CYB5R4: variants seen among roughly 807,000 people sequenced by gnomAD.
The protein encoded by CYB5R4 is N-terminal cytochrome b5 and cytochrome b5 oxidoreductase domain-containing protein.
In CYB5R4, 55 loss-of-function variants were observed where a neutral mutation model predicts 70.2. The ratio of observed to expected loss-of-function variants is 0.78; its 90% confidence interval spans 0.63 to 0.98. The LOEUF is 0.98. CYB5R4 is among the 50% of genes least tolerant of loss of function. CYB5R4 has a pLI of 0.00. For missense variants in CYB5R4, 562 were observed against 612.6 expected, an observed-to-expected ratio of 0.92 and a Z score of 0.87; for synonymous variants, 197 against 199.5, an observed-to-expected ratio of 0.99 and a Z score of 0.11.
chr6:83,948,381 A>C (rs111649469), intron 14 of CYB5R4, among the ~76,000 whole-genome samples: 2,268 of 152,252 alleles, frequency 0.015, 59 homozygotes, highest in African/African-American at 0.052. Flanking sequence ...GTGGGGGCCA[A>C]AGGGAGGGAT....
chr6:83,897,590 A>G (rs975179892), intron 3 of CYB5R4, among the ~76,000 whole-genome samples: 23 of 152,264 alleles, frequency 1.5e-4, no homozygotes, highest in Admixed American at 5.2e-4. Context: ...TGGCCATTCT[A>G]ACTGGTGGGA....
intron 14 of CYB5R4, among the ~76,000 whole-genome samples, chr6:83,946,416 T>C (rs2099470615): frequency 6.6e-6 from 1 of 152,184 alleles, no homozygotes; most frequent in South Asian, 2.1e-4. Flanking sequence ...TGATGGAACA[T>C]ATCTTAAAGT....
intron 2 of CYB5R4, among the ~76,000 whole-genome samples, chr6:83,887,713 G>C (rs1382390537): frequency 2.2e-5 from 3 of 135,492 alleles, no homozygotes; most frequent in African/African-American, 8.2e-5. Flanking sequence ...CCTTTTTTGG[G>C]TCTGTTCCTG....
In CYB5R4 at chr6:83,936,941, C is replaced by T. The variant is rs116761578; in HGVS notation, c.1108+565C>T. On this transcript the variant is annotated intron_variant, in intron 12 of 15. Coordinates refer to ENST00000369681, the MANE Select transcript of CYB5R4 (RefSeq NM_016230.4). Reference sequence around the variant, plus strand: ...ATGCAGTTGCCACACCCAAGATGCCCATCAACCTTTTCTTTACCTGTCAAG... The same window carrying T: ...ATGCAGTTGCCACACCCAAGATGCCTATCAACCTTTTCTTTACCTGTCAAG... Among the ~76,000 whole-genome samples the T allele has an allele frequency of 3.1e-3, 472 of 152,340 alleles. 3 individuals are homozygous for T. Among genetic ancestry groups the T allele is most frequent in the African/African-American group, 0.011 (446 of 41,592 alleles).
intron 3 of CYB5R4, among the ~76,000 whole-genome samples, chr6:83,895,354 T>TG (rs2099461707): frequency 6.6e-6 from 1 of 151,994 alleles, no homozygotes; most frequent in East Asian, 1.9e-4. Context: ...TTAGTAGAGA[T>TG]GGGGTTTCGC....
intron 14 of CYB5R4, among the ~76,000 whole-genome samples, chr6:83,948,226 G>A (rs868616062): frequency 2.9e-4 from 44 of 152,274 alleles, no homozygotes; most frequent in Middle Eastern, 3.4e-3. Context: ...GCAGGGACAC[G>A]GATGAAGCTG....
chr6:83,955,328 T>C lies in CYB5R4; in HGVS notation c.1377T>C (p.Pro459=). 6.2e-7 allele frequency: 1 copy of C among 1,613,822 alleles called. No individual in the cohort carries two copies. The highest frequency in any genetic ancestry group is 8.5e-7 in the Non-Finnish European group (1 of 1,179,832). Residue 459 remains proline (P), a synonymous_variant, in exon 15 of 16, where the codon CCT becomes CCC. Transcript: ENST00000369681. The stretch of plus-strand genomic sequence containing the variant: ...ATGTTGAATTTGTTCTCTCAGCACC[T>C]ATTTCTGAATGGAATGGCAAACAGG... The part of the protein sequence containing the change: ...RLDVEFVLSA[P]ISEWNGKQGH...
At chr6:83,953,426 C>T (rs1256262781) in intron 14 of CYB5R4, among the ~76,000 whole-genome samples, 1 of 150,916 alleles carries the variant, frequency 6.6e-6, no homozygotes, top group African/African-American at 2.4e-5. Context: ...CCTTTGAGCA[C>T]ATAGCAATTT....
At chr6:83,890,735 C>G (rs2099460997) in intron 2 of CYB5R4, among the ~76,000 whole-genome samples, 1 of 152,088 alleles carries the variant, frequency 6.6e-6, no homozygotes, top group African/African-American at 2.4e-5. Context: ...GAAATTGTCA[C>G]CGCCACCTCA....
At chr6:83,870,232 C>A (rs939279693) in intron 2 of CYB5R4, among the ~76,000 whole-genome samples, 1 of 152,110 alleles carries the variant, frequency 6.6e-6, no homozygotes, top group Admixed American at 6.5e-5. Flanking sequence ...CATACAGGAA[C>A]CCAACTTTGT....
chr6:83,936,436 C>G (rs2099468942), intron 12 of CYB5R4, 60 bp downstream of exon 12: 5 of 1,422,990 alleles, frequency 3.5e-6, no homozygotes, highest in Non-Finnish European at 4.9e-6. Context: ...ACATTGTCCT[C>G]TAGTTATCTC....
At chr6:83,953,408 A>AT (rs1225494712) in intron 14 of CYB5R4, among the ~76,000 whole-genome samples, 2 of 151,462 alleles carry the variant, frequency 1.3e-5, no homozygotes, top group East Asian at 3.9e-4. Flanking sequence ...GTTTTGTGAG[A>AT]TTTTTTTCCT....
chr6:83,859,703 C>T lies in CYB5R4; in HGVS notation c.-80C>T. 2 of 1,508,780 alleles carry T rather than the reference C, an allele frequency of 1.3e-6. No homozygotes were observed. Among genetic ancestry groups the T allele is most frequent in the South Asian group, 1.2e-5 (1 of 86,392 alleles). The allele number at this position is 1,508,780 out of a possible 1,614,324, so 93.5% of individuals were successfully genotyped here. On this transcript the variant is annotated 5_prime_UTR_variant, in exon 1 of 16. Transcript: ENST00000369681. ...AAGTGGGTCGGGGGCTTGGCCTCTG[C>T]CCGGCCACAGAGCCGGAGCTGGAGG...
intron 14 of CYB5R4, among the ~76,000 whole-genome samples, chr6:83,945,651 A>G (rs2099470469): frequency 6.6e-6 from 1 of 152,076 alleles, no homozygotes; most frequent in Non-Finnish European, 1.5e-5. Context: ...TTTGAAAAGA[A>G]TAACAGAATG....
At chr6:83,954,964 T>G (rs2099472114) in intron 14 of CYB5R4, among the ~76,000 whole-genome samples, 1 of 151,678 alleles carries the variant, frequency 6.6e-6, no homozygotes, top group Admixed American at 6.6e-5. Context: ...CAGGCTGGTC[T>G]CAAACTCCTG....
At chr6:83,885,588 C>T (rs1242501090) in intron 2 of CYB5R4, among the ~76,000 whole-genome samples, 1 of 152,118 alleles carries the variant, frequency 6.6e-6, no homozygotes, top group African/African-American at 2.4e-5. Flanking sequence ...TATAAAATGT[C>T]GCTTTAATCT....
chr6:83,946,743 G>A lies in CYB5R4; in HGVS notation c.1346+6142G>A, dbSNP rs1248525524. Among the ~76,000 whole-genome samples the A allele has an allele frequency of 5.3e-5, 8 of 152,176 alleles. 1 individual carries two copies. Among genetic ancestry groups the A allele is most frequent in the Admixed American group, 5.2e-4 (8 of 15,276 alleles). On this transcript the variant is annotated intron_variant, in intron 14 of 15. Transcript: ENST00000369681. ...CAAAGTCTCAGGATACAAAATCAAT[G>A]TGCAAAAGTCACAAGCATTCCTATA...
intron 2 of CYB5R4, among the ~76,000 whole-genome samples, chr6:83,878,057 A>G (rs538922427): frequency 6.6e-6 from 1 of 151,972 alleles, no homozygotes; most frequent in African/African-American, 2.4e-5. Context: ...TCTTTCTTTA[A>G]GTTTGCAGAG....
intron 14 of CYB5R4, among the ~76,000 whole-genome samples, chr6:83,951,570 T>C (rs1410555335): frequency 6.6e-6 from 1 of 152,214 alleles, no homozygotes; most frequent in Non-Finnish European, 1.5e-5. Context: ...TTGCTGAGAA[T>C]GATGGTTTCC....
Sources: allele counts gnomAD v4.1 joint callset (sites outside exome capture counted in the v4.1 genomes callset), GRCh38; gene constraint gnomAD v4.1.1; transcripts MANE v1.5; gene names NCBI Gene and HGNC (gene_info 2026-07-23, HGNC 2026-07-21).